Variants in COL5A1 observed in about 807,000 individuals in gnomAD.
The protein encoded by COL5A1 is collagen alpha-1(V) chain.
A neutral mutation model predicts 263.7 loss-of-function variants in COL5A1; 16 were observed. The ratio of observed to expected loss-of-function variants is 0.06; its 90% CI spans 0.04 to 0.09. COL5A1 has a LOEUF of 0.09. Ranked by LOEUF, COL5A1 falls within the 10% of genes least tolerant of loss-of-function variation. The pLI, the probability that COL5A1 is intolerant of heterozygous loss-of-function variation, is 1.00. For missense variants in COL5A1, 2,036 were observed against 2,540.5 expected, an observed-to-expected ratio of 0.80 and a Z score of 4.27; for synonymous variants, 1,012 against 1,004.5, an observed-to-expected ratio of 1.01 and a Z score of -0.14.
At chr9:134,828,105 C>A (rs902604668) in intron 63 of COL5A1, among the ~76,000 whole-genome samples, 12 of 152,190 alleles carry the variant, frequency 7.9e-5, no homozygotes, top group African/African-American at 2.2e-4. Flanking sequence ...GCCCTGGGGG[C>A]CCTTCCACTC....
At chr9:134,790,446 CCACT>C (rs1225706500) in intron 32 of COL5A1, among the ~76,000 whole-genome samples, 1 of 113,756 alleles carries the variant, frequency 8.8e-6, no homozygotes, top group East Asian at 2.9e-4. Flanking sequence ...ATCCATCCAC[CCACT>C]CACCCATCCA....
In COL5A1 at chr9:134,841,166, C is replaced by T. The variant is rs1052765610; in HGVS notation, c.5371-991C>T. 1.3e-5 allele frequency among the ~76,000 whole-genome samples: 2 copies of T among 152,154 alleles called. 1 individual carries two copies. The highest frequency in any genetic ancestry group is 1.3e-4 in the Admixed American group (2 of 15,278). ...CAGTGGAAGGAGATCCTTCCCAGGC[C>T]CAGATCCAGCTGCGACTGTAAATCC... On this transcript the variant is annotated intron_variant, in intron 65 of 65. Transcript: ENST00000371817. The surrounding 1 kb of genome is among the most constrained non-coding windows in gnomAD (Gnocchi z 4.8).
chr9:134,760,193 AC>A (rs796954325), intron 18 of COL5A1, among the ~76,000 whole-genome samples: 52 of 96,462 alleles, frequency 5.4e-4, no homozygotes, highest in African/African-American at 2.0e-3. Flanking sequence ...ACACCCCCAC[AC>A]CCCCACACTC....
intron 11 of COL5A1, 91 bp downstream of exon 11, chr9:134,738,899 G>A (rs1835200460): frequency 6.5e-6 from 7 of 1,074,138 alleles, no homozygotes; most frequent in Non-Finnish European, 1.0e-5. Flanking sequence ...GTCCCTGCCT[G>A]TGGAGGTGAC....
Position 134,748,112 on chromosome 9 carries a change from TA to T in COL5A1, c.1495-2429del, listed in dbSNP as rs1564429159. Among the ~76,000 whole-genome samples the T allele has an allele frequency of 3.2e-4, 25 of 78,088 alleles. 1 individual carries two copies. Among genetic ancestry groups the T allele is most frequent in the Admixed American group, 1.4e-3 (13 of 9,484 alleles). The allele number at this position is 78,088 out of a possible 152,430, so 51.2% of individuals were successfully genotyped here. On this transcript the variant is annotated intron_variant, in intron 11 of 65. Coordinates refer to ENST00000371817, the MANE Select transcript of COL5A1 (RefSeq NM_000093.5). Reference sequence around the variant, plus strand: ...GCACAGACATGCATCCACACATGCATACACAGACATGCATCCACACATGCAT... The same window carrying T: ...GCACAGACATGCATCCACACATGCATCACAGACATGCATCCACACATGCAT...
intron 26 of COL5A1, among the ~76,000 whole-genome samples, chr9:134,774,437 C>A (rs566125141): frequency 6.3e-4 from 96 of 152,348 alleles, no homozygotes; most frequent in African/African-American, 2.3e-3. Context: ...GAGGATGTCT[C>A]TTCCCTGTCT....
chr9:134,768,355 A>G, intron 24 of COL5A1, 55 bp from the exon 25 acceptor site: 1 of 1,466,114 alleles, frequency 6.8e-7, no homozygotes, highest in Non-Finnish European at 9.6e-7. Context: ...GCCGACGGAG[A>G]GGTCAGGTGA....
Position 134,820,204 on chromosome 9 carries a change from C to G in COL5A1, c.4535C>G (p.Ser1512Cys). 6.2e-7 allele frequency: 1 copy of G among 1,613,826 alleles called. No individual in the cohort carries two copies. The highest frequency in any genetic ancestry group is 1.1e-5 in the South Asian group (1 of 91,080). Residue 1512 changes from serine to cysteine, a missense_variant, in exon 58 of 66, where the codon TCC becomes TGC. Ser to Cys is a moderately radical substitution (Grantham distance 112). Around this residue, in one of 3 missense-constraint regions of COL5A1, gnomAD observed 1,078 missense variants for 1,521.4 expected, o/e 0.71. Coordinates refer to ENST00000371817, the MANE Select transcript of COL5A1 (RefSeq NM_000093.5). ...GGTCTCCCTGGCCCCCAGGGCTCCTCCGGTCCTAAGGGAGAACAGGTGCGT... is the reference window on the plus strand; with the variant it reads ...GGTCTCCCTGGCCCCCAGGGCTCCTGCGGTCCTAAGGGAGAACAGGTGCGT... ...DRGLPGPQGSSGPKGEQGITG... is the reference protein window; with the variant it reads ...DRGLPGPQGSCGPKGEQGITG...
intron 2 of COL5A1, among the ~76,000 whole-genome samples, chr9:134,694,381 G>A (rs907136283): frequency 1.4e-4 from 22 of 152,350 alleles, no homozygotes; most frequent in East Asian, 9.7e-4. Context: ...CACTGGGCAC[G>A]AACTGGCAGA....
chr9:134,693,157 C>T (rs4077962), intron 2 of COL5A1, among the ~76,000 whole-genome samples: 4 of 152,154 alleles, frequency 2.6e-5, no homozygotes, highest in African/African-American at 9.6e-5. Context: ...TCAGCAGGGA[C>T]CCCATCCCTG....
At chr9:134,702,772 T>A (rs1259687272) in intron 4 of COL5A1, among the ~76,000 whole-genome samples, 2 of 152,218 alleles carry the variant, frequency 1.3e-5, no homozygotes, top group African/African-American at 4.8e-5. Flanking sequence ...CCACCTGGGC[T>A]CTGTCGATTG....
intron 4 of COL5A1, chr9:134,709,353 C>T: frequency 3.4e-6 from 1 of 295,598 alleles, no homozygotes; most frequent in Non-Finnish European, 6.5e-6. Context: ...TTGGCCAAGC[C>T]CCGTGGGCAT....
At chr9:134,797,903 C>T (rs1036722870) in intron 36 of COL5A1, among the ~76,000 whole-genome samples, 1 of 152,252 alleles carries the variant, frequency 6.6e-6, no homozygotes, top group African/African-American at 2.4e-5. Context: ...AGTGAGGTCA[C>T]AGGCACAGGT....
intron 46 of COL5A1, 112 bp downstream of exon 46, chr9:134,811,711 C>A: frequency 1.1e-6 from 1 of 937,710 alleles, no homozygotes; most frequent in Non-Finnish European, 1.7e-6. Context: ...AGCCAGGCTG[C>A]AGGGGGCCTC....
intron 1 of COL5A1, among the ~76,000 whole-genome samples, chr9:134,668,679 C>T (rs1832430093): frequency 1.3e-5 from 2 of 152,080 alleles, no homozygotes; most frequent in African/African-American, 4.8e-5. Context: ...CACCCACTCA[C>T]CCATCCATCC....
In COL5A1 at chr9:134,753,751, C is replaced by CTG. The variant is rs1835873384; in HGVS notation, c.1720-97_1720-96dup. ...TGTGCTGAGCACCGTGGCCGAAGCC[C>CTG]TGTCCCCTCCCCCTGCCCCTCCCCT... On this transcript the variant is annotated intron_variant, in intron 14 of 65. Transcript: ENST00000371817. 8.4e-6 allele frequency: 6 copies of CTG among 716,384 alleles called. No homozygotes were observed. In the East Asian group the frequency reaches 1.9e-4, roughly 23 times the overall value. The allele number at this position is 716,384 out of a possible 1,614,324, so 44.4% of individuals were successfully genotyped here.
At chr9:134,784,932 G>A in intron 29 of COL5A1, 57 bp from the exon 30 acceptor site, 2 of 1,306,368 alleles carry the variant, frequency 1.5e-6, no homozygotes, top group African/African-American at 1.5e-5. Flanking sequence ...GAATGGTGGT[G>A]GAGAATAGTG....
chr9:134,801,976 C>T lies in COL5A1; in HGVS notation c.2975C>T (p.Pro992Leu), dbSNP rs1227683449. 14 of 1,613,484 alleles carry T rather than the reference C, an allele frequency of 8.7e-6. No individual in the cohort carries two copies. Among genetic ancestry groups the T allele is most frequent in the Non-Finnish European group, 1.1e-5 (13 of 1,180,034 alleles). The part of the protein sequence containing the change: ...GETGFQGKTG[P>L]PGPPGVVGPQ... ...CAGGGTTTCCAAGGCAAGACCGGCC[C>T]TCCAGGCCCCCCCGGCGTGGTCGGC... is the stretch of plus-strand genomic sequence containing the variant. The change falls in exon 38 of 66, where the codon CCT becomes CTT. Residue 992 changes from proline to leucine, a missense_variant. Physicochemically the swap from Pro to Leu is moderately conservative, Grantham distance 98. Coordinates refer to ENST00000371817, the MANE Select transcript of COL5A1 (RefSeq NM_000093.5).
At position 134,716,556 on chromosome 9, in the gene COL5A1, G is replaced by A. The variant is rs973490128; in HGVS notation, c.655-10710G>A. On this transcript the variant is annotated intron_variant, in intron 4 of 65. Coordinates refer to ENST00000371817, the MANE Select transcript of COL5A1 (RefSeq NM_000093.5). The surrounding 1 kb of genome is among the most constrained non-coding windows in gnomAD (Gnocchi z 4.5). Reference sequence around the variant, plus strand: ...CCTTTGGGTGGCGAGTCTTTGAGGAGGTGAACCCCCACCCTTTGGAGAGAG... The same window carrying A: ...CCTTTGGGTGGCGAGTCTTTGAGGAAGTGAACCCCCACCCTTTGGAGAGAG... 4.1e-4 allele frequency among the ~76,000 whole-genome samples: 63 copies of A among 152,216 alleles called. No individual in the cohort carries two copies. The highest frequency in any genetic ancestry group is 1.5e-3 in the African/African-American group (61 of 41,458).
Sources: allele counts gnomAD v4.1 joint callset (sites outside exome capture counted in the v4.1 genomes callset), GRCh38; gene constraint gnomAD v4.1.1; regional missense constraint gnomAD v4.1.1; non-coding constraint Gnocchi (gnomAD v3.1); transcripts MANE v1.5; gene names NCBI Gene and HGNC (gene_info 2026-07-23, HGNC 2026-07-21).